ARHGEF19: variants seen among roughly 807,000 people sequenced by gnomAD.
ARHGEF19 encodes Rho guanine nucleotide exchange factor 19.
Under a neutral mutation model 87.6 loss-of-function variants are expected in ARHGEF19, and 92 were observed. That is an observed-to-expected ratio of 1.05 (90% CI 0.89 to 1.25). The LOEUF is 1.25. ARHGEF19 is among the 50% of genes most tolerant of loss of function. The probability of loss-of-function intolerance (pLI) is 0.00; values close to 1 mark genes in which losing one functional copy is unlikely to be tolerated. For missense variants in ARHGEF19, 1,054 were observed against 1,051.8 expected (o/e 1.00, Z -0.03); for synonymous variants, 438 against 446.2 (o/e 0.98, Z 0.23).
chr1:16,206,385 C>T lies in ARHGEF19; in HGVS notation c.1138-45G>A, dbSNP rs1184905119. 4 of 1,554,076 alleles carry T rather than the reference C, an allele frequency of 2.6e-6. No individual in the cohort carries two copies. The African/African-American group carries it at 4.1e-5, about 16-fold the overall frequency. On this transcript the variant is annotated intron_variant, in intron 6 of 15. Transcript: ENST00000270747. The surrounding 1 kb of genome is among the most constrained non-coding windows in gnomAD (Gnocchi z 4.6). ...GGGTCGAAAGGGCAGGACCAGTTCACCTCGGAGGCCCTGGCCTCACATCCC... is the reference window on the plus strand; with the variant it reads ...GGGTCGAAAGGGCAGGACCAGTTCATCTCGGAGGCCCTGGCCTCACATCCC...
Position 16,208,666 on chromosome 1 carries a change from T to A in ARHGEF19, c.389A>T (p.His130Leu). ...RHTQPQRRAS[H>L]GSEKKSAWRK... Reference sequence around the variant, plus strand: ...ACAGGCAGACTTCTTCTCCGAGCCGTGGCTGGCCCGGCGCTGTGGCTGTGT... The same window carrying A: ...ACAGGCAGACTTCTTCTCCGAGCCGAGGCTGGCCCGGCGCTGTGGCTGTGT... Residue 130 changes from histidine (H) to leucine (L), a missense_variant, in exon 2 of 16, where the codon CAC becomes CTC. His to Leu is a moderately conservative substitution (Grantham distance 99, BLOSUM62 -3). Transcript: ENST00000270747. The A allele has an allele frequency of 6.2e-7, 1 of 1,605,794 alleles. No individual in the cohort carries two copies. The highest frequency in any genetic ancestry group is 2.2e-5 in the East Asian group (1 of 44,788).
chr1:16,205,656 G>A lies in ARHGEF19; in HGVS notation c.1463C>T (p.Pro488Leu), dbSNP rs1180356135. 6.2e-7 allele frequency: 1 copy of A among 1,608,672 alleles called. No homozygotes were observed. The highest frequency in any genetic ancestry group is 1.1e-5 in the South Asian group (1 of 90,532). Residue 488 changes from proline to leucine, a missense_variant, in exon 9 of 16, where the codon CCC becomes CTC. Pro to Leu is a moderately conservative substitution (Grantham distance 98, BLOSUM62 -3). Transcript: ENST00000270747. This position sits in a 1 kb window ranked among gnomAD's most constrained non-coding sequence, Gnocchi z 5.8. ...RTYQRLLLENPRFPGILARLE... is the reference protein window; with the variant it reads ...RTYQRLLLENLRFPGILARLE... ...GCGAGCCAGGATGCCAGGGAACCTG[G>A]GGTTCTCCAGGCTGGAAAATGGGGA...
Position 16,207,497 on chromosome 1 carries a change from T to G in ARHGEF19, c.874+25A>C, listed in dbSNP as rs762681599. 1.1e-5 allele frequency: 18 copies of G among 1,612,282 alleles called. No individual in the cohort carries two copies. In the Admixed American group the frequency reaches 1.7e-4, roughly 15 times the overall value. Reference sequence around the variant, plus strand: ...CGCAGCCCCTTCCTCCGTTACCTCCTCCCAGGGACCCCCCTCCCACGTACA... The same window carrying G: ...CGCAGCCCCTTCCTCCGTTACCTCCGCCCAGGGACCCCCCTCCCACGTACA... On this transcript the variant is annotated intron_variant, in intron 5 of 15. Transcript: ENST00000270747. The surrounding 1 kb of genome is among the most constrained non-coding windows in gnomAD (Gnocchi z 4.0).
intron 14 of ARHGEF19, 30 bp downstream of exon 14, chr1:16,201,752 G>A (rs748701756): frequency 2.5e-6 from 4 of 1,609,046 alleles, no homozygotes; most frequent in Admixed American, 3.4e-5. Flanking sequence ...GTCCAGCCCA[G>A]GGATGTAAGC....
chr1:16,211,117 C>G (rs1176234487), intron 1 of ARHGEF19, among the ~76,000 whole-genome samples: 2 of 151,836 alleles, frequency 1.3e-5, no homozygotes, highest in African/African-American at 4.8e-5. Context: ...CCCTAAGCCT[C>G]GGTCTCCTCA....
chr1:16,207,124 C>A lies in ARHGEF19; in HGVS notation c.961G>T (p.Ala321Ser), dbSNP rs1286353476. ...CCCGGCCCCTCCTCTGCGCCCTCGG[C>A]CTCGTCCCCCGGGCCCTCCTCCTCG... The part of the protein sequence containing the change: ...QREEEGPGDE[A>S]EGAEEGPGPP... Residue 321 changes from alanine (A) to serine (S), a missense_variant, in exon 6 of 16, where the codon GCC becomes TCC. Transcript: ENST00000270747. This position sits in a 1 kb window ranked among gnomAD's most constrained non-coding sequence, Gnocchi z 4.0. The A allele has an allele frequency of 2.0e-6, 3 of 1,520,768 alleles. No homozygotes were observed. The Admixed American group carries it at 6.3e-5, about 32-fold the overall frequency. The allele number at this position is 1,520,768 out of a possible 1,614,324, so 94.2% of individuals were successfully genotyped here. A position where few individuals can be genotyped will look rare whatever the true frequency, so the allele number is the denominator to read the frequency against.
chr1:16,209,308 C>T (rs554911820), intron 1 of ARHGEF19, among the ~76,000 whole-genome samples: 2 of 152,302 alleles, frequency 1.3e-5, no homozygotes, highest in African/African-American at 2.4e-5. Flanking sequence ...CTCACAACAA[C>T]GCTGTGAGTT....
In ARHGEF19 at chr1:16,200,129, C is replaced by G. The variant is rs531294676; in HGVS notation, c.2147-875G>C. ...CTAGCTCAAGCCAGAGCATCTACCC[C>G]CTTCCTGGTCCTCAGCTCTTTTCAT... On this transcript the variant is annotated intron_variant, in intron 14 of 15. Coordinates refer to ENST00000270747, the MANE Select transcript of ARHGEF19 (RefSeq NM_153213.5). Among the ~76,000 whole-genome samples, 112 of 152,340 alleles carry G rather than the reference C, an allele frequency of 7.4e-4. 1 individual carries two copies. In the South Asian group the frequency reaches 0.011, roughly 15 times the overall value.
rs1376249900 is a variant in ARHGEF19 at position 16,198,730 on chromosome 1, C to T, written c.2266G>A (p.Val756Ile). The T allele has an allele frequency of 6.2e-7, 1 of 1,606,056 alleles. No individual in the cohort carries two copies. The highest frequency in any genetic ancestry group is 1.7e-5 in the Admixed American group (1 of 58,798). The change falls in exon 16 of 16, where the codon GTC (valine) becomes ATC (isoleucine). Residue 756 changes from valine to isoleucine, a missense_variant. Val to Ile is a conservative substitution (Grantham distance 29). Transcript: ENST00000270747. This position sits in a 1 kb window ranked among gnomAD's most constrained non-coding sequence, Gnocchi z 4.1. ...CCCTTCTCACCATCTGCCAGGCGGA[C>T]CCCTTCCAGCCAGCCTAGGGACACA... ...TWTSDGWLEG[V>I]RLADGEKGWV...
At chr1:16,201,354 T>C (rs1040788558) in intron 14 of ARHGEF19, among the ~76,000 whole-genome samples, 1 of 152,208 alleles carries the variant, frequency 6.6e-6, no homozygotes. Context: ...GCTGAGCAGA[T>C]GCCTCACCTG....
Position 16,204,799 on chromosome 1 carries a change from G to A in ARHGEF19, c.1867C>T (p.His623Tyr), listed in dbSNP as rs1333434451. Residue 623 changes from histidine (H) to tyrosine (Y), a missense_variant, in exon 12 of 16, where the codon CAC becomes TAC. Physicochemically the swap from His to Tyr is moderately conservative, Grantham distance 83. Coordinates refer to ENST00000270747, the MANE Select transcript of ARHGEF19 (RefSeq NM_153213.5). ...LKLSSKAVYL[H>Y]LFNDCLLLSR... is the part of the protein sequence containing the mutation. ...AGCAGCAAGCAGTCATTGAAGAGGT[G>A]GAGGTAGACTGCCTTGCTGGACAGC... 2.5e-6 allele frequency: 4 copies of A among 1,613,150 alleles called. No homozygotes were observed. Among genetic ancestry groups the A allele is most frequent in the African/African-American group, 2.7e-5 (2 of 74,918 alleles).
Position 16,201,819 on chromosome 1 carries a change from G to A in ARHGEF19, c.2109C>T (p.Ser703=). The part of the protein sequence containing the change: ...QRWISALCPS[S]PQEDKEVISE... ...TGATGACCTCCTTGTCCTCCTGGGG[G>A]CTGGAGGGGCACAAGGCTGAGATCC... Residue 703 remains serine, a synonymous_variant, in exon 14 of 16, where the codon AGC becomes AGT. Coordinates refer to ENST00000270747, the MANE Select transcript of ARHGEF19 (RefSeq NM_153213.5). 5 of 1,613,880 alleles carry A rather than the reference G, an allele frequency of 3.1e-6. No homozygotes were observed. The highest frequency in any genetic ancestry group is 4.2e-6 in the Non-Finnish European group (5 of 1,179,876).
rs1161464294 is a variant in ARHGEF19 at position 16,199,156 on chromosome 1, T to C, written c.2245A>G (p.Ser749Gly). The C allele has an allele frequency of 3.1e-6, 5 of 1,613,846 alleles. No homozygotes were observed. Among genetic ancestry groups the C allele is most frequent in the Non-Finnish European group, 4.2e-6 (5 of 1,179,930 alleles). ...TDILSVRTWT[S>G]DGWLEGVRLA... is the part of the protein sequence containing the mutation. Reference sequence around the variant, plus strand: ...TCCCAGGAGGCCCCCTCACCGTCACTGGTCCAGGTCCTCACTGACAGGATG... The same window carrying C: ...TCCCAGGAGGCCCCCTCACCGTCACCGGTCCAGGTCCTCACTGACAGGATG... The change falls in exon 15 of 16, where the codon AGT (serine) becomes GGT (glycine). Residue 749 changes from serine to glycine, a missense_variant. Coordinates refer to ENST00000270747, the MANE Select transcript of ARHGEF19 (RefSeq NM_153213.5).
At chr1:16,209,153 G>A (rs1025468763) in intron 1 of ARHGEF19, 70 bp from the exon 2 acceptor site, 4 of 1,243,008 alleles carry the variant, frequency 3.2e-6, no homozygotes, top group Middle Eastern at 3.9e-4. Flanking sequence ...CACCCCTGGA[G>A]GCCTGGACAA....
Position 16,199,193 on chromosome 1 carries a change from C to T in ARHGEF19, c.2208G>A (p.Leu736=). ...TCACTGACAGGATGTCAGTCTTCTCCAAGGTCAGCTCATCTGGGTGCAGTG... is the reference window on the plus strand; with the variant it reads ...TCACTGACAGGATGTCAGTCTTCTCTAAGGTCAGCTCATCTGGGTGCAGTG... ...YKALHPDELT[L]EKTDILSVRT... Residue 736 remains leucine, a synonymous_variant, in exon 15 of 16, where the codon TTG becomes TTA. Transcript: ENST00000270747. 1 of 1,614,062 alleles carries T rather than the reference C, an allele frequency of 6.2e-7. No individual in the cohort carries two copies. The highest frequency in any genetic ancestry group is 8.5e-7 in the Non-Finnish European group (1 of 1,179,952).
At position 16,208,771 on chromosome 1, in the gene ARHGEF19, C is replaced by G. The variant is rs752925050; in HGVS notation, c.284G>C (p.Arg95Pro). The G allele has an allele frequency of 1.2e-6, 2 of 1,612,978 alleles. No individual in the cohort carries two copies. The highest frequency in any genetic ancestry group is 1.7e-6 in the Non-Finnish European group (2 of 1,179,644). ...TGGCCAGCTGCCAGCCCTGCTGGGC[C>G]GCATCCCCCCGCTGGTGATCTCTGT... Reference protein sequence around the residue: ...SDTEITSGGMRPSRAGSWPHC... With the variant: ...SDTEITSGGMPPSRAGSWPHC... Residue 95 changes from arginine to proline, a missense_variant, in exon 2 of 16, where the codon CGG (arginine) becomes CCG (proline). Physicochemically the swap from Arg to Pro is moderately radical, Grantham distance 103. Transcript: ENST00000270747.
At chr1:16,202,286 G>A (rs1036904832) in intron 13 of ARHGEF19, 130 bp downstream of exon 13, 7 of 1,334,050 alleles carry the variant, frequency 5.2e-6, no homozygotes, top group Middle Eastern at 2.6e-4. Flanking sequence ...GAAGAGTTGA[G>A]CACTTGGGGA....
In ARHGEF19 at chr1:16,207,985, C is replaced by G. The variant is rs150124398; in HGVS notation, c.653G>C (p.Arg218Pro). Residue 218 changes from arginine to proline, a missense_variant, in exon 3 of 16, where the codon CGG (arginine) becomes CCG (proline). By Grantham distance (103) the Arg-to-Pro change is moderately radical (BLOSUM62 -2). Coordinates refer to ENST00000270747, the MANE Select transcript of ARHGEF19 (RefSeq NM_153213.5). The surrounding 1 kb of genome is among the most constrained non-coding windows in gnomAD (Gnocchi z 4.0). ...SLRLGRNSAA[R>P]ALISGSGTGA... is the part of the protein sequence containing the mutation. ...GGTGCCTGACCCAGAGATGAGTGCC[C>G]GGGCTGCTGAATTCCGCCCCAGGCG... 6 of 1,612,368 alleles carry G rather than the reference C, an allele frequency of 3.7e-6. No homozygotes were observed. The highest frequency in any genetic ancestry group is 5.1e-6 in the Non-Finnish European group (6 of 1,179,860).
rs1192038896 is a variant in ARHGEF19 at position 16,208,638 on chromosome 1, C to G, written c.412+5G>C. 6 of 1,600,176 alleles carry G rather than the reference C, an allele frequency of 3.7e-6. No individual in the cohort carries two copies. The highest frequency in any genetic ancestry group is 5.1e-6 in the Non-Finnish European group (6 of 1,175,672). Reference sequence around the variant, plus strand: ...CCCACACCCGCCTTCCCCAGGGTGACTCACAGGCAGACTTCTTCTCCGAGC... The same window carrying G: ...CCCACACCCGCCTTCCCCAGGGTGAGTCACAGGCAGACTTCTTCTCCGAGC... On this transcript the variant is annotated splice_donor_5th_base_variant and intron_variant, in intron 2 of 15. Transcript: ENST00000270747.
Sources: allele counts gnomAD v4.1 joint callset (sites outside exome capture counted in the v4.1 genomes callset), GRCh38; gene constraint gnomAD v4.1.1; non-coding constraint Gnocchi (gnomAD v3.1); transcripts MANE v1.5; gene names NCBI Gene and HGNC (gene_info 2026-07-23, HGNC 2026-07-21).